The following MAP3K14 variants were observed in gnomAD, a reference collection of about 807,000 sequenced individuals.
The protein encoded by MAP3K14 is mitogen-activated protein kinase kinase kinase 14, also known as NF-kappa-beta-inducing kinase.
Under a neutral mutation model 99.2 loss-of-function variants are expected in MAP3K14, and 16 were observed. The ratio of observed to expected loss-of-function variants is 0.16; its 90% CI spans 0.11 to 0.24. The LOEUF (loss-of-function observed/expected upper bound fraction) is 0.24, where lower values mean the gene tolerates loss of function less well. Ranked by LOEUF, MAP3K14 falls within the 10% of genes least tolerant of loss-of-function variation. The probability of loss-of-function intolerance (pLI) is 1.00; values close to 1 mark genes in which losing one functional copy is unlikely to be tolerated. For synonymous variants in MAP3K14, 462 were observed against 492.4 expected (o/e 0.94, Z 0.82); for missense variants, 784 against 1,208.7 (o/e 0.65, Z 5.21).
intron 10 of MAP3K14, 172 bp downstream of exon 10, chr17:45,270,886 C>A: frequency 1.0e-6 from 1 of 957,312 alleles, no homozygotes; most frequent in Non-Finnish European, 1.6e-6. Context: ...GCAGCTGGAT[C>A]TCCCCTTGTA....
intron 6 of MAP3K14, among the ~76,000 whole-genome samples, chr17:45,279,710 A>C (rs1419886827): frequency 6.6e-6 from 1 of 152,118 alleles, no homozygotes; most frequent in Non-Finnish European, 1.5e-5. Flanking sequence ...GACGTGAGCC[A>C]CCGCACCCAG....
intron 1 of MAP3K14, among the ~76,000 whole-genome samples, chr17:45,312,633 C>G (rs2044490679): frequency 6.6e-6 from 1 of 152,108 alleles, no homozygotes; most frequent in South Asian, 2.1e-4. Context: ...ACTTGACCTC[C>G]TGGGCTCAAG....
chr17:45,280,466 G>A (rs2044213479), intron 6 of MAP3K14, among the ~76,000 whole-genome samples: 1 of 151,866 alleles, frequency 6.6e-6, no homozygotes, highest in Non-Finnish European at 1.5e-5. Context: ...ACCACGCCTG[G>A]CTAACTTTTT....
intron 14 of MAP3K14, chr17:45,266,270 C>A: frequency 2.6e-6 from 1 of 389,842 alleles, no homozygotes; most frequent in Non-Finnish European, 4.6e-6. Flanking sequence ...TGCTCTCCTC[C>A]CCAAGCTAGG....
chr17:45,269,644 A>G (rs2044126903), intron 11 of MAP3K14, among the ~76,000 whole-genome samples: 1 of 152,188 alleles, frequency 6.6e-6, no homozygotes, highest in South Asian at 2.1e-4. Flanking sequence ...TTATTCAATC[A>G]TGCCTACGTA....
At chr17:45,266,713 G>A in intron 13 of MAP3K14, 32 bp from the exon 14 acceptor site, 1 of 1,586,278 alleles carries the variant, frequency 6.3e-7, no homozygotes, top group Non-Finnish European at 8.6e-7. Flanking sequence ...CGGGCTCAGG[G>A]CCCTGGGCTC....
At chr17:45,290,386 G>A (rs758840881) in intron 2 of MAP3K14, 104 bp downstream of exon 2, 10 of 1,358,926 alleles carry the variant, frequency 7.4e-6, no homozygotes, top group Non-Finnish European at 1.0e-5. Context: ...ATCTTATCTA[G>A]CAGTGACACA....
Position 45,284,884 on chromosome 17 carries a change from C to T in MAP3K14, c.1218G>A (p.Leu406=), listed in dbSNP as rs772678821. Reference sequence around the variant, plus strand: ...GCACCTCTCCGAAGGAGCCTCTGCCCAGGCGGAGCTGGTGCGTGGCCCAGT... The same window carrying T: ...GCACCTCTCCGAAGGAGCCTCTGCCTAGGCGGAGCTGGTGCGTGGCCCAGT... ...EVHWATHQLR[L]GRGSFGEVHR... Residue 406 remains leucine (L), a synonymous_variant, in exon 6 of 16, where the codon CTG becomes CTA. Transcript: ENST00000344686. 1.3e-5 allele frequency: 21 copies of T among 1,568,424 alleles called. No individual in the cohort carries two copies. The South Asian group carries it at 2.5e-4, about 18-fold the overall frequency.
intron 10 of MAP3K14, 26 bp from the exon 11 acceptor site, chr17:45,270,589 G>A: frequency 6.6e-7 from 1 of 1,522,494 alleles, no homozygotes; most frequent in Non-Finnish European, 8.8e-7. Flanking sequence ...CAACAGGTGA[G>A]GCCTGCCTTC....
rs1598241160 is a variant in MAP3K14 at position 45,267,823 on chromosome 17, G to A, written c.1973-64C>T. On this transcript the variant is annotated intron_variant, in intron 11 of 15. Transcript: ENST00000344686. The surrounding 1 kb of genome is among the most constrained non-coding windows in gnomAD (Gnocchi z 5.1). ...TGTGCACAGACAGCGGTCCAGGCAG[G>A]AGCGGCCTCTCCTGAGTGCAGAAGG... 6 of 1,427,348 alleles carry A rather than the reference G, an allele frequency of 4.2e-6. No homozygotes were observed. The East Asian group carries it at 1.1e-4, about 27-fold the overall frequency. The allele number at this position is 1,427,348 out of a possible 1,614,324, so 88.4% of individuals were successfully genotyped here.
At chr17:45,313,858 A>C (rs558657709) in intron 1 of MAP3K14, among the ~76,000 whole-genome samples, 1 of 152,330 alleles carries the variant, frequency 6.6e-6, no homozygotes, top group Non-Finnish European at 1.5e-5. Flanking sequence ...GCAGTGACCT[A>C]GATATCAAGA....
intron 1 of MAP3K14, among the ~76,000 whole-genome samples, chr17:45,295,152 C>T (rs951034418): frequency 6.6e-6 from 1 of 152,118 alleles, no homozygotes; most frequent in African/African-American, 2.4e-5. Flanking sequence ...ATTCAGTTCC[C>T]TGTTTTAGCA....
chr17:45,264,861 G>T, intron 15 of MAP3K14, 61 bp from the exon 16 acceptor site: 1 of 1,550,318 alleles, frequency 6.5e-7, no homozygotes, highest in Non-Finnish European at 8.8e-7. Flanking sequence ...CATGTAGAAA[G>T]GTAAAGACAT....
rs1258342560 is a variant in MAP3K14, at chr17:45,312,927, A to G, written c.-21+4033T>C. On this transcript the variant is annotated intron_variant, in intron 1 of 15. Coordinates refer to ENST00000344686, the MANE Select transcript of MAP3K14 (RefSeq NM_003954.5). The stretch of plus-strand genomic sequence containing the variant: ...CTTGCTGATCTACATGCCATACAGT[A>G]TTTTCCCTTTCCTCACCTCCAGGAT... Among the ~76,000 whole-genome samples the G allele has an allele frequency of 3.9e-5, 6 of 152,032 alleles. No homozygotes were observed. The East Asian group carries it at 1.2e-3, about 29-fold the overall frequency.
At chr17:45,270,615 C>G (rs994738396) in intron 10 of MAP3K14, 52 bp from the exon 11 acceptor site, 1 of 1,498,320 alleles carries the variant, frequency 6.7e-7, no homozygotes, top group Non-Finnish European at 8.9e-7. Context: ...TTTCCTGATA[C>G]CCGGCTGTTA....
intron 1 of MAP3K14, among the ~76,000 whole-genome samples, chr17:45,295,046 C>T (rs1313902350): frequency 6.6e-6 from 1 of 152,072 alleles, no homozygotes; most frequent in African/African-American, 2.4e-5. Context: ...ATGGGGTTTA[C>T]AGTAAACAAA....
At chr17:45,294,367 G>C (rs1186242007) in intron 1 of MAP3K14, among the ~76,000 whole-genome samples, 1 of 152,240 alleles carries the variant, frequency 6.6e-6, no homozygotes, top group African/African-American at 2.4e-5. Context: ...GGATAGGAAT[G>C]ATCTGGACAG....
At chr17:45,274,281 A>T in intron 7 of MAP3K14, 27 bp from the exon 8 acceptor site, 1 of 1,594,406 alleles carries the variant, frequency 6.3e-7, no homozygotes, top group Non-Finnish European at 8.5e-7. Context: ...CAGGCTATAC[A>T]TGGGACTTGC....
chr17:45,295,537 T>C (rs931522178), intron 1 of MAP3K14, among the ~76,000 whole-genome samples: 6 of 152,214 alleles, frequency 3.9e-5, no homozygotes, highest in African/African-American at 1.4e-4. Flanking sequence ...CTCAGAATAC[T>C]AACTGTCGAT....
Sources: allele counts gnomAD v4.1 joint callset (sites outside exome capture counted in the v4.1 genomes callset), GRCh38; gene constraint gnomAD v4.1.1; non-coding constraint Gnocchi (gnomAD v3.1); transcripts MANE v1.5; gene names NCBI Gene and HGNC (gene_info 2026-07-23, HGNC 2026-07-21).